Variants in AKAP11 observed in about 807,000 individuals in gnomAD.
AKAP11 encodes the protein A-kinase anchor protein 11.
Under a neutral mutation model 146.1 loss-of-function variants are expected in AKAP11, and 36 were observed. The observed-to-expected ratio is 0.25, with a 90% CI of 0.19 to 0.33. AKAP11 has a LOEUF of 0.33. Among genes scored for constraint, AKAP11 ranks in the 10% least tolerant of loss-of-function variants. The pLI is 1.00. For synonymous variants in AKAP11, 780 were observed against 786.5 expected (o/e 0.99, Z 0.14); for missense variants, 2,201 against 2,197.0 (o/e 1.00, Z -0.04).
At chr13:42,272,769 T>A (rs1159216136) in intron 1 of AKAP11, among the ~76,000 whole-genome samples, 1 of 152,180 alleles carries the variant, frequency 6.6e-6, no homozygotes, top group African/African-American at 2.4e-5. Flanking sequence ...AGAGTATTGA[T>A]ATTTGGATTT....
At chr13:42,292,797 G>T (rs1959271998) in intron 4 of AKAP11, among the ~76,000 whole-genome samples, 1 of 152,136 alleles carries the variant, frequency 6.6e-6, no homozygotes, top group African/African-American at 2.4e-5. Flanking sequence ...ACTATATTCA[G>T]CAACTGATAC....
At chr13:42,282,914 A>G (rs1229597430) in intron 1 of AKAP11, among the ~76,000 whole-genome samples, 1 of 152,252 alleles carries the variant, frequency 6.6e-6, no homozygotes, top group East Asian at 1.9e-4. Flanking sequence ...TAGGGCACAA[A>G]GCAGTAAAGC....
chr13:42,283,528 A>G (rs1226124719), intron 1 of AKAP11, among the ~76,000 whole-genome samples: 1 of 152,202 alleles, frequency 6.6e-6, no homozygotes, highest in African/African-American at 2.4e-5. Flanking sequence ...TTGTGGGTAA[A>G]GTGAACTGGG....
Position 42,311,835 on chromosome 13 carries a change from A to G in AKAP11, c.5274-1212A>G, listed in dbSNP as rs116727397. Among the ~76,000 whole-genome samples, 1,418 of 152,214 alleles carry G rather than the reference A, an allele frequency of 9.3e-3. 25 individuals carry two copies. Among genetic ancestry groups the G allele is most frequent in the African/African-American group, 0.032 (1,322 of 41,540 alleles). ...GACAATGAACTACATGGGTTTTAAC[A>G]GTTTTATAATAGAGCTATATTTGTT... On this transcript the variant is annotated intron_variant, in intron 9 of 12. Transcript: ENST00000025301.
At chr13:42,317,129 C>T (rs987813890) in intron 11 of AKAP11, among the ~76,000 whole-genome samples, 3 of 152,182 alleles carry the variant, frequency 2.0e-5, no homozygotes, top group African/African-American at 4.8e-5. Context: ...CTGCCCACGT[C>T]GGCCTCCCAG....
intron 4 of AKAP11, 149 bp downstream of exon 4, chr13:42,292,650 A>T (rs1409960272): frequency 2.3e-6 from 1 of 442,954 alleles, no homozygotes; most frequent in Admixed American, 3.6e-5. Context: ...TGGGCGGGAG[A>T]GGGGAAAAAA....
Position 42,300,555 on chromosome 13 carries a change from T to C in AKAP11, c.1809T>C (p.Arg603=), listed in dbSNP as rs1162852767. 4 of 1,614,018 alleles carry C rather than the reference T, an allele frequency of 2.5e-6. No homozygotes were observed. Among genetic ancestry groups the C allele is most frequent in the Non-Finnish European group, 3.4e-6 (4 of 1,179,924 alleles). Residue 603 remains arginine (R), a synonymous_variant, in exon 8 of 13, where the codon CGT becomes CGC. Coordinates refer to ENST00000025301, the MANE Select transcript of AKAP11 (RefSeq NM_016248.4). ...QMAFDELRRQ[R]AFSLKERAIS... ...CATTTGATGAGCTGAGAAGGCAGCG[T>C]GCATTTTCACTAAAAGAACGTGCCA...
In AKAP11 at chr13:42,302,469, G is replaced by A. The variant is rs548264629; in HGVS notation, c.3723G>A (p.Val1241=). 2.5e-6 allele frequency: 4 copies of A among 1,614,188 alleles called. No homozygotes were observed. The highest frequency in any genetic ancestry group is 3.3e-5 in the Admixed American group (2 of 60,026). Residue 1241 remains valine (V), a synonymous_variant, in exon 8 of 13, where the codon GTG becomes GTA. Transcript: ENST00000025301. Reference sequence around the variant, plus strand: ...TAAATGTGCAAAGTCAAAGAAGTGTGTCGCCTACTTTTTTAAACCCCTCAG... The same window carrying A: ...TAAATGTGCAAAGTCAAAGAAGTGTATCGCCTACTTTTTTAAACCCCTCAG... The part of the protein sequence containing the change: ...PCLNVQSQRS[V]SPTFLNPSDE...
At position 42,301,978 on chromosome 13, in the gene AKAP11, A is replaced by G. The variant is rs776694664; in HGVS notation, c.3232A>G (p.Thr1078Ala). 1.9e-6 allele frequency: 3 copies of G among 1,614,154 alleles called. No homozygotes were observed. Residue 1078 changes from threonine to alanine, a missense_variant, in exon 8 of 13, where the codon ACC (threonine) becomes GCC (alanine). Coordinates refer to ENST00000025301, the MANE Select transcript of AKAP11 (RefSeq NM_016248.4). ...HSHTFSSTAL[T>A]CVDGLHVEDK... ...ACATACTTTCTCATCTACAGCACTTACCTGTGTAGATGGTTTGCATGTGGA... is the reference window on the plus strand; with the variant it reads ...ACATACTTTCTCATCTACAGCACTTGCCTGTGTAGATGGTTTGCATGTGGA...
In AKAP11 at chr13:42,302,370, T is replaced by C. The variant is rs774069679; in HGVS notation, c.3624T>C (p.Ser1208=). The C allele has an allele frequency of 1.2e-6, 2 of 1,614,146 alleles. No individual in the cohort carries two copies. Among genetic ancestry groups the C allele is most frequent in the Non-Finnish European group, 1.7e-6 (2 of 1,180,016 alleles). Residue 1208 remains serine, a synonymous_variant, in exon 8 of 13, where the codon TCT becomes TCC. Transcript: ENST00000025301. ...AAGCATTAGCTACACACATCCTTTC[T>C]CTTGCAACTGAAATGGCAGCTTCCC... ...FAEALATHIL[S]LATEMAASHL...
In AKAP11 at chr13:42,302,460, A is replaced by G. The variant is rs763329310; in HGVS notation, c.3714A>G (p.Gln1238=). 2.1e-5 allele frequency: 34 copies of G among 1,614,070 alleles called. No homozygotes were observed. Among genetic ancestry groups the G allele is most frequent in the Admixed American group, 1.7e-4 (10 of 60,008 alleles). Residue 1238 remains glutamine (Q), a synonymous_variant, in exon 8 of 13, where the codon CAA becomes CAG. Coordinates refer to ENST00000025301, the MANE Select transcript of AKAP11 (RefSeq NM_016248.4). ...VKNPCLNVQS[Q]RSVSPTFLNP... ...ACCCTTGCTTAAATGTGCAAAGTCA[A>G]AGAAGTGTGTCGCCTACTTTTTTAA...
At chr13:42,274,877 C>T (rs957485619) in intron 1 of AKAP11, among the ~76,000 whole-genome samples, 10 of 152,298 alleles carry the variant, frequency 6.6e-5, no homozygotes, top group South Asian at 2.1e-4. Context: ...TAAAGAGTTT[C>T]GGTTTGGGAG....
At chr13:42,287,503 C>T (rs1376071455) in intron 3 of AKAP11, among the ~76,000 whole-genome samples, 2 of 152,014 alleles carry the variant, frequency 1.3e-5, no homozygotes, top group Non-Finnish European at 1.5e-5. Flanking sequence ...CCAGGATGAT[C>T]GCGATCTCCT....
chr13:42,286,766 T>C (rs549160531), intron 3 of AKAP11, among the ~76,000 whole-genome samples: 7 of 152,340 alleles, frequency 4.6e-5, no homozygotes, highest in Middle Eastern at 3.4e-3. Context: ...ATATGTTAGA[T>C]GTTGGGTAAT....
chr13:42,285,041 T>A (rs1420057314), intron 1 of AKAP11, among the ~76,000 whole-genome samples: 2 of 152,232 alleles, frequency 1.3e-5, no homozygotes, highest in African/African-American at 2.4e-5. Context: ...TATAGTCTTA[T>A]CTGCATAGCA....
intron 3 of AKAP11, among the ~76,000 whole-genome samples, chr13:42,287,689 T>A (rs1357263168): frequency 2.6e-5 from 4 of 152,270 alleles, no homozygotes; most frequent in African/African-American, 7.2e-5. Flanking sequence ...AACTATTTTC[T>A]GTTTCTACTC....
rs1435703650 is a variant in AKAP11, at chr13:42,302,487, C to A, written c.3741C>A (p.Asn1247Lys). 3 of 1,614,010 alleles carry A rather than the reference C, an allele frequency of 1.9e-6. No homozygotes were observed. In the African/African-American group the frequency reaches 4.0e-5, roughly 22 times the overall value. Residue 1247 changes from asparagine (N) to lysine (K), a missense_variant, in exon 8 of 13, where the codon AAC becomes AAA. This residue lies in a region of AKAP11 where 1,867 missense variants were observed against 1,833.5 expected (regional missense o/e 1.02). Coordinates refer to ENST00000025301, the MANE Select transcript of AKAP11 (RefSeq NM_016248.4). ...GAAGTGTGTCGCCTACTTTTTTAAA[C>A]CCCTCAGACGAAAATTTGAAAACAT... ...SQRSVSPTFLNPSDENLKTLC... is the reference protein window; with the variant it reads ...SQRSVSPTFLKPSDENLKTLC...
rs9594726 is a variant in AKAP11, at chr13:42,320,273, G to T, written c.*1045G>T. 24,348 of 112,684 alleles carry T rather than the reference G, an allele frequency of 0.22. 2,647 individuals are homozygous for T. Among genetic ancestry groups the T allele is most frequent in the Non-Finnish European group, 0.33 (15,490 of 47,422 alleles). The allele number at this position is 112,684 out of a possible 1,614,324, so 7.0% of individuals were successfully genotyped here. A position where few individuals can be genotyped will look rare whatever the true frequency, so the allele number is the denominator to read the frequency against. On this transcript the variant is annotated 3_prime_UTR_variant, in exon 13 of 13. Coordinates refer to ENST00000025301, the MANE Select transcript of AKAP11 (RefSeq NM_016248.4). ...CTACCAAGAATGTGGTGTTTTTTTT[G>T]TTTGTTTGTTTGTTTGTTTTAGAAA...
intron 12 of AKAP11, among the ~76,000 whole-genome samples, chr13:42,318,482 T>G (rs1053831778): frequency 2.3e-4 from 35 of 152,322 alleles, no homozygotes; most frequent in African/African-American, 8.2e-4. Flanking sequence ...ACTTAAGAGC[T>G]TTTACAGAAC....
Sources: allele counts gnomAD v4.1 joint callset (sites outside exome capture counted in the v4.1 genomes callset), GRCh38; gene constraint gnomAD v4.1.1; regional missense constraint gnomAD v4.1.1; transcripts MANE v1.5; gene names NCBI Gene and HGNC (gene_info 2026-07-23, HGNC 2026-07-21).